Variants in FXR1 observed in about 807,000 individuals in gnomAD.
FXR1 encodes RNA-binding protein FXR1.
Under a neutral mutation model 84.0 loss-of-function variants are expected in FXR1, and 15 were observed. The ratio of observed to expected loss-of-function variants is 0.18; its 90% CI spans 0.12 to 0.27. The LOEUF (loss-of-function observed/expected upper bound fraction) is 0.27. FXR1 is among the 10% of genes least tolerant of loss of function. The pLI, the probability that FXR1 is intolerant of heterozygous loss-of-function variation, is 1.00. For missense variants in FXR1, 480 were observed against 774.4 expected (o/e 0.62, Z 4.51); for synonymous variants, 245 against 250.7 (o/e 0.98, Z 0.21).
intron 3 of FXR1, among the ~76,000 whole-genome samples, chr3:180,936,891 A>G (rs1224105166): frequency 2.0e-5 from 3 of 152,100 alleles, no homozygotes; most frequent in Non-Finnish European, 2.9e-5. Context: ...ACCTGTAACT[A>G]TCTGTGTGTA....
chr3:180,943,712 A>G (rs1721384258), intron 3 of FXR1, among the ~76,000 whole-genome samples: 1 of 152,176 alleles, frequency 6.6e-6, no homozygotes, highest in Non-Finnish European at 1.5e-5. Context: ...CAGTGAGAAA[A>G]GCCTCCAGGC....
rs555086055 is a variant in FXR1, at chr3:180,914,006, A to C, written c.51+1270A>C. 3.3e-5 allele frequency among the ~76,000 whole-genome samples: 5 copies of C among 152,210 alleles called. No individual in the cohort carries two copies. In the South Asian group the frequency reaches 1.0e-3, roughly 32 times the overall value. The stretch of plus-strand genomic sequence containing the variant: ...TGATTAGCTCTGTGGATTTGGTTTA[A>C]CTGTCACGTGGTACCAGCATAATGG... On this transcript the variant is annotated intron_variant, in intron 1 of 16. Coordinates refer to ENST00000357559, the MANE Select transcript of FXR1 (RefSeq NM_005087.4).
chr3:180,976,064 C>A, intron 16 of FXR1, 58 bp from the exon 17 acceptor site: 1 of 1,334,620 alleles, frequency 7.5e-7, no homozygotes. Context: ...AGCTGTTTTC[C>A]TCCTCAGCTA....
At chr3:180,933,128 G>A (rs946102982) in intron 1 of FXR1, 17 of 503,234 alleles carry the variant, frequency 3.4e-5, no homozygotes, top group East Asian at 7.1e-5. Flanking sequence ...AGATGACACC[G>A]GGTGAAAAAT....
chr3:180,953,717 G>A (rs753306081), intron 8 of FXR1, 45 bp from the exon 9 acceptor site: 9 of 920,670 alleles, frequency 9.8e-6, no homozygotes, highest in South Asian at 8.9e-5. Flanking sequence ...GGGTTGCTCC[G>A]AGATTGAAAC....
intron 1 of FXR1, among the ~76,000 whole-genome samples, chr3:180,920,001 A>C (rs1408335708): frequency 6.6e-6 from 1 of 152,156 alleles, no homozygotes; most frequent in Non-Finnish European, 1.5e-5. Flanking sequence ...AGTGTATTTA[A>C]CTTGCCTGCC....
intron 4 of FXR1, 46 bp downstream of exon 4, chr3:180,947,982 AC>A (rs752833978): frequency 9.4e-7 from 1 of 1,062,082 alleles, no homozygotes; most frequent in Non-Finnish European, 1.4e-6. Flanking sequence ...CTAAGGAAGT[AC>A]CTCAGTGCTT....
intron 16 of FXR1, 37 bp from the exon 17 acceptor site, chr3:180,976,085 T>C: frequency 6.5e-7 from 1 of 1,540,632 alleles, no homozygotes; most frequent in Non-Finnish European, 8.8e-7. Context: ...TAGATTTCAT[T>C]TATAAAGAAG....
intron 9 of FXR1, 32 bp downstream of exon 9, chr3:180,953,872 AATAAAC>A (rs758424331): frequency 9.4e-7 from 1 of 1,068,784 alleles, no homozygotes; most frequent in Non-Finnish European, 1.4e-6. Context: ...TAAATAAGTT[AATAAAC>A]ATTATTTAGT....
chr3:180,948,938 G>A (rs544255299), intron 6 of FXR1, 124 bp downstream of exon 6: 2 of 641,874 alleles, frequency 3.1e-6, no homozygotes, highest in African/African-American at 1.8e-5. Context: ...AATATAGTGT[G>A]GGAGAAAAAT....
At chr3:180,927,793 A>G (rs1269241839) in intron 1 of FXR1, 1 of 425,200 alleles carries the variant, frequency 2.4e-6, no homozygotes, top group Non-Finnish European at 4.1e-6. Context: ...ATATTATTAA[A>G]ATTACATTTT....
chr3:180,960,512 C>T (rs1354366591), intron 10 of FXR1, among the ~76,000 whole-genome samples: 2 of 152,194 alleles, frequency 1.3e-5, no homozygotes, highest in Admixed American at 6.5e-5. Context: ...CTTGTCCAGG[C>T]TGGAGGGCAG....
At chr3:180,919,329 G>C (rs1222466283) in intron 1 of FXR1, among the ~76,000 whole-genome samples, 1 of 145,496 alleles carries the variant, frequency 6.9e-6, no homozygotes, top group Non-Finnish European at 1.5e-5. Context: ...CTGTTGCCCA[G>C]GCTGGAGTGC....
intron 3 of FXR1, among the ~76,000 whole-genome samples, chr3:180,946,606 G>A (rs955006379): frequency 6.6e-6 from 1 of 152,170 alleles, no homozygotes; most frequent in Admixed American, 6.5e-5. Context: ...TTGGTATATT[G>A]GACTTCCTGC....
intron 1 of FXR1, among the ~76,000 whole-genome samples, chr3:180,928,558 T>C (rs1308753863): frequency 6.6e-6 from 1 of 152,088 alleles, no homozygotes; most frequent in Non-Finnish European, 1.5e-5. Context: ...TGATGGTGTT[T>C]TACATTTTCC....
chr3:180,952,680 T>G (rs2108471015), intron 8 of FXR1, among the ~76,000 whole-genome samples: 1 of 152,312 alleles, frequency 6.6e-6, no homozygotes, highest in African/African-American at 2.4e-5. Flanking sequence ...ATAAGTGTTC[T>G]CATTATAAAA....
chr3:180,914,688 C>T (rs1717670685), intron 1 of FXR1: 1 of 755,776 alleles, frequency 1.3e-6, no homozygotes, highest in Admixed American at 6.3e-5. Context: ...CATTTTGGAA[C>T]TCTGAAGTAT....
rs1230592901 is a variant in FXR1, at chr3:180,927,794, A to G, written c.52-5540A>G. On this transcript the variant is annotated intron_variant, in intron 1 of 16. Coordinates refer to ENST00000357559, the MANE Select transcript of FXR1 (RefSeq NM_005087.4). ...TAAAGGAGATTTGTATATTATTAAAATTACATTTTTTCCTGTGAATTACTT... is the reference window on the plus strand; with the variant it reads ...TAAAGGAGATTTGTATATTATTAAAGTTACATTTTTTCCTGTGAATTACTT... The G allele has an allele frequency of 6.3e-5, 27 of 425,652 alleles. No individual in the cohort carries two copies. The East Asian group carries it at 9.6e-4, about 15-fold the overall frequency. 26.4% of individuals were successfully genotyped at this position (425,652 alleles called of 1,614,324 possible). A position where few individuals can be genotyped will look rare whatever the true frequency, so the allele number is the denominator to read the frequency against.
At position 180,963,044 on chromosome 3, in the gene FXR1, C is replaced by T. The variant is rs202004870; in HGVS notation, c.1152C>T (p.Ser384=). The change falls in exon 13 of 17, where the codon AGC becomes AGT. Residue 384 remains serine (S), a synonymous_variant. Coordinates refer to ENST00000357559, the MANE Select transcript of FXR1 (RefSeq NM_005087.4). The stretch of plus-strand genomic sequence containing the variant: ...CTGTACAAGGTTCTAGGTCTTATAG[C>T]GGAAGAGGCAGAGGTCGTCGGGGAC... ...QLRQIGSRSY[S]GRGRGRRGPN... 1.9e-5 allele frequency: 30 copies of T among 1,605,008 alleles called. No individual in the cohort carries two copies. Among genetic ancestry groups the T allele is most frequent in the East Asian group, 8.9e-5 (4 of 44,760 alleles).
Sources: gnomAD v4.1 joint callset for allele counts (sites outside exome capture counted in the v4.1 genomes callset) on GRCh38, gnomAD v4.1.1 for gene constraint, MANE v1.5 for transcripts, NCBI Gene and HGNC (gene_info 2026-07-23, HGNC 2026-07-21) for gene names.